TNNI3K: variants seen among roughly 807,000 people sequenced by gnomAD.
The protein encoded by TNNI3K is TNNI3 interacting kinase, also known as serine/threonine-protein kinase TNNI3K.
Under a neutral mutation model 114.5 loss-of-function variants are expected in TNNI3K, and 140 were observed. The observed-to-expected ratio is 1.22, with a 90% CI of 1.07 to 1.41. The LOEUF (loss-of-function observed/expected upper bound fraction) is 1.41, where lower values mean the gene tolerates loss of function less well. Among genes scored for constraint, TNNI3K ranks in the 40% most tolerant of loss-of-function variants. The probability of loss-of-function intolerance (pLI) is 0.00; values close to 1 mark genes in which losing one functional copy is unlikely to be tolerated. For missense variants in TNNI3K, 1,125 were observed against 1,007.6 expected, an observed-to-expected ratio of 1.12 and a Z score of -1.58; for synonymous variants, 347 against 347.5, an observed-to-expected ratio of 1.00 and a Z score of 0.02.
At chr1:74,465,928 A>G (rs886137874) in intron 21 of TNNI3K, among the ~76,000 whole-genome samples, 1 of 152,232 alleles carries the variant, frequency 6.6e-6, no homozygotes, top group Non-Finnish European at 1.5e-5. Context: ...CCAAGCCAGC[A>G]GCAGCAGTAA....
At chr1:74,307,287 T>A (rs1005997377) in intron 5 of TNNI3K, among the ~76,000 whole-genome samples, 14 of 152,094 alleles carry the variant, frequency 9.2e-5, no homozygotes, top group African/African-American at 3.4e-4. Context: ...AATATTAACT[T>A]TGAACATAAA....
chr1:74,338,989 T>C (rs937442094), intron 7 of TNNI3K, among the ~76,000 whole-genome samples: 1 of 152,142 alleles, frequency 6.6e-6, no homozygotes, highest in Non-Finnish European at 1.5e-5. Context: ...AATCGTGTTT[T>C]TGAAACTGCC....
intron 23 of TNNI3K, among the ~76,000 whole-genome samples, chr1:74,507,633 C>A (rs1051532963): frequency 6.6e-6 from 1 of 152,164 alleles, no homozygotes; most frequent in African/African-American, 2.4e-5. Flanking sequence ...TAATGTACTT[C>A]TTGTTCTCCT....
At chr1:74,311,459 T>C (rs1162918014) in intron 5 of TNNI3K, among the ~76,000 whole-genome samples, 3 of 152,296 alleles carry the variant, frequency 2.0e-5, no homozygotes, top group Non-Finnish European at 4.4e-5. Flanking sequence ...GAACTAGGGC[T>C]AGGATTCCAT....
At chr1:74,377,586 C>G (rs961541642) in intron 17 of TNNI3K, among the ~76,000 whole-genome samples, 1 of 151,926 alleles carries the variant, frequency 6.6e-6, no homozygotes, top group African/African-American at 2.4e-5. Context: ...AATAGATACA[C>G]ATATAAAGAG....
At chr1:74,430,641 A>G (rs1665850926) in intron 17 of TNNI3K, among the ~76,000 whole-genome samples, 1 of 152,150 alleles carries the variant, frequency 6.6e-6, no homozygotes, top group South Asian at 2.1e-4. Flanking sequence ...TAAGGTTAAA[A>G]GAACATTATT....
chr1:74,370,354 C>A lies in TNNI3K; in HGVS notation c.1734C>A (p.His578Gln), dbSNP rs78398303. The A allele has an allele frequency of 6.2e-7, 1 of 1,607,938 alleles. No individual in the cohort carries two copies. Among genetic ancestry groups the A allele is most frequent in the Non-Finnish European group, 8.5e-7 (1 of 1,176,344 alleles). ...TTGCCAAAGGCATGGAGTACCTTCA[C>A]AACCTGACACAGCCAATTATACATC... ...VDVAKGMEYL[H>Q]NLTQPIIHRD... Residue 578 changes from histidine (H) to glutamine (Q), a missense_variant, in exon 17 of 25, where the codon CAC (histidine) becomes CAA (glutamine). Coordinates refer to ENST00000326637, the MANE Select transcript of TNNI3K (RefSeq NM_015978.3).
At chr1:74,317,764 A>G (rs576026953) in intron 5 of TNNI3K, among the ~76,000 whole-genome samples, 3 of 152,216 alleles carry the variant, frequency 2.0e-5, no homozygotes, top group South Asian at 4.2e-4. Flanking sequence ...GGTAGTGGGA[A>G]TAGAGTCTAT....
intron 17 of TNNI3K, among the ~76,000 whole-genome samples, chr1:74,389,275 T>C (rs1283536086): frequency 6.6e-6 from 1 of 152,084 alleles, no homozygotes; most frequent in Non-Finnish European, 1.5e-5. Context: ...TGGTAACTGA[T>C]CCCAAGTAAG....
chr1:74,306,282 T>G (rs1224294110), intron 5 of TNNI3K, among the ~76,000 whole-genome samples: 1 of 152,216 alleles, frequency 6.6e-6, no homozygotes, highest in East Asian at 1.9e-4. Context: ...CCATCATTGA[T>G]AGGCACCTAG....
At position 74,394,990 on chromosome 1, in the gene TNNI3K, G is replaced by C. The variant is rs987663852; in HGVS notation, c.1772+24598G>C. Among the ~76,000 whole-genome samples, 6 of 151,350 alleles carry C rather than the reference G, an allele frequency of 4.0e-5. No homozygotes were observed. The East Asian group carries it at 9.7e-4, about 25-fold the overall frequency. ...ACCCGGGAGGTGGAGCTTGCAGTGA[G>C]CCGAGATCGCGCCACTGCACTCCAG... On this transcript the variant is annotated intron_variant, in intron 17 of 24. Coordinates refer to ENST00000326637, the MANE Select transcript of TNNI3K (RefSeq NM_015978.3).
At chr1:74,365,981 C>A (rs1662249982) in intron 11 of TNNI3K, among the ~76,000 whole-genome samples, 1 of 151,092 alleles carries the variant, frequency 6.6e-6, no homozygotes, top group African/African-American at 2.4e-5. Context: ...GAATCTTAGC[C>A]TTGTTACCTT....
intron 5 of TNNI3K, among the ~76,000 whole-genome samples, chr1:74,316,608 A>G (rs979817732): frequency 2.0e-5 from 3 of 152,008 alleles, no homozygotes; most frequent in Non-Finnish European, 4.4e-5. Context: ...TAGTTTTCTC[A>G]GGGAGGCCCT....
At chr1:74,491,745 T>C (rs963154108) in intron 22 of TNNI3K, among the ~76,000 whole-genome samples, 6 of 152,244 alleles carry the variant, frequency 3.9e-5, no homozygotes, top group Non-Finnish European at 8.8e-5. Flanking sequence ...TTAAAGGAAC[T>C]CTGCCATAAA....
chr1:74,268,931 G>A (rs539300161), intron 4 of TNNI3K, among the ~76,000 whole-genome samples: 1 of 151,948 alleles, frequency 6.6e-6, no homozygotes, highest in African/African-American at 2.4e-5. Flanking sequence ...TGGCCTAGAA[G>A]GCCCTGCAAG....
At chr1:74,376,282 A>C (rs1258661240) in intron 17 of TNNI3K, among the ~76,000 whole-genome samples, 1 of 152,046 alleles carries the variant, frequency 6.6e-6, no homozygotes. Context: ...TGTAAAAAAA[A>C]CACAACAATT....
chr1:74,480,604 G>A (rs1246049000), intron 21 of TNNI3K: 1 of 717,216 alleles, frequency 1.4e-6, no homozygotes, highest in Non-Finnish European at 2.6e-6. Flanking sequence ...TCGTGCCTCC[G>A]AAAGAACTGT....
intron 5 of TNNI3K, among the ~76,000 whole-genome samples, chr1:74,282,306 A>G (rs913363479): frequency 2.0e-5 from 3 of 152,108 alleles, no homozygotes; most frequent in African/African-American, 7.2e-5. Flanking sequence ...ACATTTCTGT[A>G]CAACAGAAAT....
chr1:74,522,603 T>C (rs1331837500), intron 23 of TNNI3K, among the ~76,000 whole-genome samples: 2 of 151,936 alleles, frequency 1.3e-5, no homozygotes, highest in African/African-American at 4.8e-5. Flanking sequence ...ATTCCCAAAA[T>C]GTAAGTAGCT....
Sources: allele counts gnomAD v4.1 joint callset (sites outside exome capture counted in the v4.1 genomes callset), GRCh38; gene constraint gnomAD v4.1.1; transcripts MANE v1.5; gene names NCBI Gene and HGNC (gene_info 2026-07-23, HGNC 2026-07-21).